Variants in VKORC1L1 observed in about 807,000 individuals in gnomAD.
The protein encoded by VKORC1L1 is vitamin K epoxide reductase complex subunit 1L1.
VKORC1L1 carries 2 observed loss-of-function variants against 18.9 expected under a neutral mutation model. The observed-to-expected ratio is 0.11, with a 90% confidence interval of 0.04 to 0.33. The LOEUF is 0.33. Among genes scored for constraint, VKORC1L1 ranks in the 10% least tolerant of loss-of-function variants. The pLI, the probability that VKORC1L1 is intolerant of heterozygous loss-of-function variation, is 1.00. For synonymous variants in VKORC1L1, 96 were observed against 100.0 expected (o/e 0.96, Z 0.24); for missense variants, 123 against 224.1 (o/e 0.55, Z 2.88).
chr7:65,895,888 T>C (rs1370056209), intron 1 of VKORC1L1, among the ~76,000 whole-genome samples: 14 of 147,762 alleles, frequency 9.5e-5, no homozygotes, highest in African/African-American at 3.5e-4. Flanking sequence ...TCTTGCTATC[T>C]CACTTCTTTT....
upstream of VKORC1L1, among the ~76,000 whole-genome samples, chr7:65,870,265 G>GA (rs58681634): frequency 9.2e-3 from 1,019 of 110,364 alleles, 38 homozygotes; most frequent in East Asian, 0.14. Context: ...ACTAAGTACA[G>GA]AAAAAAAAAA....
chr7:65,909,576 G>T (rs1247919213), intron 1 of VKORC1L1, among the ~76,000 whole-genome samples: 3 of 152,094 alleles, frequency 2.0e-5, no homozygotes, highest in Non-Finnish European at 4.4e-5. Flanking sequence ...TTTCCTGTGT[G>T]TGGATCTCAT....
At chr7:65,874,853 T>C (rs966415289) in intron 1 of VKORC1L1, among the ~76,000 whole-genome samples, 10 of 152,148 alleles carry the variant, frequency 6.6e-5, no homozygotes, top group Non-Finnish European at 1.3e-4. Context: ...AATTGACTTG[T>C]CTTTAAAAAA....
chr7:65,934,904 A>C (rs1465461062), intron 1 of VKORC1L1, among the ~76,000 whole-genome samples: 17 of 151,986 alleles, frequency 1.1e-4, no homozygotes, highest in Non-Finnish European at 1.5e-5. Context: ...AATACAAAAA[A>C]TTAGCCGGGC....
At chr7:65,941,673 G>GTTTTTT (rs57537567) in intron 1 of VKORC1L1, among the ~76,000 whole-genome samples, 2 of 66,474 alleles carry the variant, frequency 3.0e-5, no homozygotes, top group Non-Finnish European at 2.8e-5. Flanking sequence ...TTTTCTTAAG[G>GTTTTTT]TTTTTTTTTT....
intron 1 of VKORC1L1, among the ~76,000 whole-genome samples, chr7:65,882,981 T>TATCA (rs1308078834): frequency 1.3e-5 from 2 of 152,200 alleles, no homozygotes; most frequent in Non-Finnish European, 2.9e-5. Flanking sequence ...AAACATGCTT[T>TATCA]ATCATCTATT....
At position 65,900,042 on chromosome 7, in the gene VKORC1L1, C is replaced by CGTGTGT. The variant is rs58269522; in HGVS notation, c.194+26518_194+26523dup. 8.6e-3 allele frequency among the ~76,000 whole-genome samples: 1,213 copies of CGTGTGT among 140,930 alleles called. 12 individuals are homozygous for CGTGTGT. The highest frequency in any genetic ancestry group is 0.027 in the Admixed American group (383 of 13,982). The allele number at this position is 140,930 out of a possible 152,430, so 92.5% of individuals were successfully genotyped here. A position where few individuals can be genotyped will look rare whatever the true frequency, so the allele number is the denominator to read the frequency against. ...TTGTGCGTGTGTGCATGTGCACGCA[C>CGTGTGT]GTGTGTGTGTGTGTGTGTGTGTGTG... On this transcript the variant is annotated intron_variant, in intron 1 of 2. Coordinates refer to ENST00000360768, the MANE Select transcript of VKORC1L1 (RefSeq NM_173517.6).
chr7:65,920,721 C>G (rs919604982), intron 1 of VKORC1L1, among the ~76,000 whole-genome samples: 1 of 151,770 alleles, frequency 6.6e-6, no homozygotes, highest in African/African-American at 2.4e-5. Context: ...ATGGGCCAGG[C>G]ACGGTGGTAT....
intron 1 of VKORC1L1, among the ~76,000 whole-genome samples, chr7:65,940,247 A>G (rs1475453979): frequency 6.6e-6 from 1 of 152,116 alleles, no homozygotes; most frequent in Non-Finnish European, 1.5e-5. Context: ...CTGGTCTGGA[A>G]TTCCTGTCCT....
At chr7:65,872,296 G>A (rs1479273322), upstream of VKORC1L1, among the ~76,000 whole-genome samples, 3 of 151,610 alleles carry the variant, frequency 2.0e-5, no homozygotes, top group Admixed American at 1.3e-4. Context: ...TTCAGCTTAC[G>A]GAAAAGCAAG....
intron 1 of VKORC1L1, among the ~76,000 whole-genome samples, chr7:65,943,274 A>C (rs1469775030): frequency 6.6e-6 from 1 of 152,216 alleles, no homozygotes; most frequent in African/African-American, 2.4e-5. Context: ...AATAATAAGG[A>C]ATTTTTGTAA....
Position 65,951,145 on chromosome 7 carries a change from G to A in VKORC1L1, c.304+2365G>A, listed in dbSNP as rs189383366. 1.9e-3 allele frequency among the ~76,000 whole-genome samples: 284 copies of A among 151,902 alleles called. 3 individuals are homozygous for A. Among genetic ancestry groups the A allele is most frequent in the African/African-American group, 6.7e-3 (277 of 41,410 alleles). On this transcript the variant is annotated intron_variant, in intron 2 of 2. Coordinates refer to ENST00000360768, the MANE Select transcript of VKORC1L1 (RefSeq NM_173517.6). ...GATGCTTCACGTGCCTTTTAATGTT[G>A]GTGTCTTCATGGGAGGCACATTTGA...
intron 1 of VKORC1L1, among the ~76,000 whole-genome samples, chr7:65,906,210 G>A (rs1313601372): frequency 5.9e-5 from 9 of 151,686 alleles, no homozygotes; most frequent in South Asian, 2.1e-4. Context: ...CAAGGTGGGC[G>A]GATCACCTGA....
In VKORC1L1 at chr7:65,885,872, C is replaced by G. The variant is rs35277250; in HGVS notation, c.194+12307C>G. Among the ~76,000 whole-genome samples the G allele has an allele frequency of 6.2e-4, 95 of 152,118 alleles. 1 individual carries two copies. Among genetic ancestry groups the G allele is most frequent in the African/African-American group, 1.8e-3 (73 of 41,508 alleles). On this transcript the variant is annotated intron_variant, in intron 1 of 2. Transcript: ENST00000360768. ...ATGAATTTACTGTTTCCGGTGAATT[C>G]TAGAATAATTTTGATGAGTTCTAAG... is the stretch of plus-strand genomic sequence containing the variant.
chr7:65,909,547 T>C (rs370775554), intron 1 of VKORC1L1, among the ~76,000 whole-genome samples: 7 of 152,176 alleles, frequency 4.6e-5, no homozygotes, highest in South Asian at 2.1e-4. Flanking sequence ...GTGAAGGAAA[T>C]AGATTTGGTT....
At chr7:65,920,104 C>T (rs552037909) in intron 1 of VKORC1L1, among the ~76,000 whole-genome samples, 5 of 152,240 alleles carry the variant, frequency 3.3e-5, no homozygotes, top group African/African-American at 1.2e-4. Flanking sequence ...TACCTCACAC[C>T]CGCCGGGCAT....
At position 65,923,284 on chromosome 7, in the gene VKORC1L1, TC is replaced by T. The variant is rs1437456972; in HGVS notation, c.195-25385del. Among the ~76,000 whole-genome samples, 3 of 151,498 alleles carry T rather than the reference TC, an allele frequency of 2.0e-5. No homozygotes were observed. In the East Asian group the frequency reaches 5.8e-4, roughly 29 times the overall value. On this transcript the variant is annotated intron_variant, in intron 1 of 2. Coordinates refer to ENST00000360768, the MANE Select transcript of VKORC1L1 (RefSeq NM_173517.6). The stretch of plus-strand genomic sequence containing the variant: ...GGGTGTTGTGGTGCATGCCTGTAAT[TC>T]CAGCTACTTGGGAGGCTGAGGCAGG...
At chr7:65,918,604 T>C (rs549963091) in intron 1 of VKORC1L1, among the ~76,000 whole-genome samples, 1 of 152,238 alleles carries the variant, frequency 6.6e-6, no homozygotes, top group Non-Finnish European at 1.5e-5. Context: ...CAGTAACACA[T>C]GCACAGCATC....
At position 65,952,203 on chromosome 7, in the gene VKORC1L1, G is replaced by A. The variant is rs566434751; in HGVS notation, c.305-1871G>A. On this transcript the variant is annotated intron_variant, in intron 2 of 2. Transcript: ENST00000360768. ...GTAAAATTGTGACCACATTAATTTC[G>A]AAATGTTAGTTGTTTAGCATAGGTG... Among the ~76,000 whole-genome samples the A allele has an allele frequency of 1.5e-4, 23 of 152,308 alleles. No individual in the cohort carries two copies. In the East Asian group the frequency reaches 2.5e-3, roughly 17 times the overall value.
Sources: gnomAD v4.1 joint callset for allele counts (sites outside exome capture counted in the v4.1 genomes callset) on GRCh38, gnomAD v4.1.1 for gene constraint, MANE v1.5 for transcripts, NCBI Gene and HGNC (gene_info 2026-07-23, HGNC 2026-07-21) for gene names.